The following TSC2 variants were observed in gnomAD, a reference collection of about 807,000 sequenced individuals.
TSC2 encodes the protein tuberin.
In TSC2, 29 loss-of-function variants were observed where a neutral mutation model predicts 202.2. The ratio of observed to expected loss-of-function variants is 0.14; its 90% CI spans 0.11 to 0.20. TSC2 has a LOEUF of 0.20. TSC2 is among the 10% of genes least tolerant of loss of function. TSC2 has a pLI of 1.00. For missense variants in TSC2, 2,429 were observed against 2,420.0 expected, an observed-to-expected ratio of 1.00 and a Z score of -0.08; for synonymous variants, 1,349 against 1,044.0, an observed-to-expected ratio of 1.29 and a Z score of -5.63.
chr16:2,051,559 T>C (rs1312973844), intron 3 of TSC2, among the ~76,000 whole-genome samples: 1 of 152,192 alleles, frequency 6.6e-6, no homozygotes, highest in East Asian at 1.9e-4. Context: ...TGATGACTTG[T>C]GGACAGGACA....
In TSC2 at chr16:2,067,510, C is replaced by G. The variant is rs141735415; in HGVS notation, c.1716+1875C>G. Among the ~76,000 whole-genome samples, 693 of 151,366 alleles carry G rather than the reference C, an allele frequency of 4.6e-3. 9 individuals carry two copies. Among genetic ancestry groups the G allele is most frequent in the African/African-American group, 0.016 (654 of 41,234 alleles). Reference sequence around the variant, plus strand: ...CATCAGCCGGGTGTGGTGGCTCATGCCCGTAATCCCAGCACTTTGGGAGGC... The same window carrying G: ...CATCAGCCGGGTGTGGTGGCTCATGGCCGTAATCCCAGCACTTTGGGAGGC... On this transcript the variant is annotated intron_variant, in intron 16 of 41. Transcript: ENST00000219476.
Position 2,071,579 on chromosome 16 carries a change from G to C in TSC2, c.1909G>C (p.Val637Leu), listed in dbSNP as rs2088399918. The C allele has an allele frequency of 6.2e-7, 1 of 1,613,532 alleles. No individual in the cohort carries two copies. The highest frequency in any genetic ancestry group is 8.5e-7 in the Non-Finnish European group (1 of 1,180,040). Reference protein sequence around the residue: ...HRLGLPNKDGVVRFSPYCVCD... With the variant: ...HRLGLPNKDGLVRFSPYCVCD... ...CCTGGGCCTGCCCAACAAGGATGGAGTCGTGCGGTTCAGCCCCTACTGCGT... is the reference window on the plus strand; with the variant it reads ...CCTGGGCCTGCCCAACAAGGATGGACTCGTGCGGTTCAGCCCCTACTGCGT... The change falls in exon 18 of 42, where the codon GTC becomes CTC. Residue 637 changes from valine to leucine, a missense_variant. Transcript: ENST00000219476.
chr16:2,075,454 G>C (rs1452724381), intron 22 of TSC2, among the ~76,000 whole-genome samples: 2 of 150,654 alleles, frequency 1.3e-5, no homozygotes, highest in East Asian at 1.9e-4. Context: ...GTGAACCCAG[G>C]GGGTGGAGCT....
chr16:2,053,569 G>A (rs1222453948), intron 4 of TSC2, 117 bp downstream of exon 4: 1 of 1,040,590 alleles, frequency 9.6e-7, no homozygotes, highest in South Asian at 1.4e-5. Flanking sequence ...AGGGTCTAGG[G>A]GCTGATGGGC....
intron 5 of TSC2, 73 bp downstream of exon 5, chr16:2,054,513 G>A (rs1270221987): frequency 3.1e-6 from 5 of 1,604,354 alleles, no homozygotes; most frequent in African/African-American, 1.3e-5. Context: ...AAGGACCTGG[G>A]GCTGGGGAGG....
intron 23 of TSC2, 35 bp downstream of exon 23, chr16:2,075,927 C>T (rs371719593): frequency 5.6e-6 from 9 of 1,612,714 alleles, no homozygotes; most frequent in Middle Eastern, 1.6e-4. Flanking sequence ...GCCTCCCAGC[C>T]GTGGCCCCCG....
At chr16:2,056,152 C>T (rs1456238009) in intron 6 of TSC2, 44 bp from the exon 7 acceptor site, 4 of 1,611,832 alleles carry the variant, frequency 2.5e-6, no homozygotes, top group Non-Finnish European at 8.5e-7. Flanking sequence ...GTGGCTCGGC[C>T]ATCCAGGCAG....
In TSC2 at chr16:2,061,272, C is replaced by T. The variant is rs539276410; in HGVS notation, c.1119+459C>T. 23 of 297,490 alleles carry T rather than the reference C, an allele frequency of 7.7e-5. No individual in the cohort carries two copies. In the East Asian group the frequency reaches 1.9e-3, roughly 25 times the overall value. The allele number at this position is 297,490 out of a possible 1,614,324, so 18.4% of individuals were successfully genotyped here. On this transcript the variant is annotated intron_variant, in intron 11 of 41. Transcript: ENST00000219476. Reference sequence around the variant, plus strand: ...GGGAGGCGAGGCTAGTATCCAGCAGCCTCAGGGCTGTGCCTTTTCCTGGAG... The same window carrying T: ...GGGAGGCGAGGCTAGTATCCAGCAGTCTCAGGGCTGTGCCTTTTCCTGGAG...
Position 2,079,250 on chromosome 16 carries a change from TG to T in TSC2, c.3132-23del. On this transcript the variant is annotated intron_variant, in intron 27 of 41. Coordinates refer to ENST00000219476, the MANE Select transcript of TSC2 (RefSeq NM_000548.5). This position sits in a 1 kb window ranked among gnomAD's most constrained non-coding sequence, Gnocchi z 4.6. ...GCCTGCGGGAGCTCCACGGGCAAGC[TG>T]GGTTTCACGCTCCCTGTCTTCTAGG... is the stretch of plus-strand genomic sequence containing the variant. The T allele has an allele frequency of 6.2e-7, 1 of 1,612,890 alleles. No individual in the cohort carries two copies. Among genetic ancestry groups the T allele is most frequent in the Non-Finnish European group, 8.5e-7 (1 of 1,180,000 alleles).
In TSC2 at chr16:2,072,929, T is replaced by A. The variant is rs531724951; in HGVS notation, c.2301T>A (p.Val767=). 10 of 1,613,650 alleles carry A rather than the reference T, an allele frequency of 6.2e-6. No homozygotes were observed. The South Asian group carries it at 1.1e-4, about 18-fold the overall frequency. ...GAACTGACTTGCACCTGGCCGTGGT[T>A]CCAGTGCTGACAGCATTAATCTCTT... ...FSRTDLHLAV[V]PVLTALISYH... is the part of the protein sequence containing the mutation. Residue 767 remains valine (V), a synonymous_variant, in exon 21 of 42, where the codon GTT becomes GTA. Coordinates refer to ENST00000219476, the MANE Select transcript of TSC2 (RefSeq NM_000548.5).
rs1201047547 is a variant in TSC2 at position 2,050,477 on chromosome 16, A to C, written c.216A>C (p.Lys72Asn). Residue 72 changes from lysine to asparagine, a missense_variant, in exon 3 of 42, where the codon AAA becomes AAC. Coordinates refer to ENST00000219476, the MANE Select transcript of TSC2 (RefSeq NM_000548.5). ...TTTGTGAAGTCGCAAAAACCAAGAA[A>C]TTTGAAGAGGTAGGTTTATCCAGTT... is the stretch of plus-strand genomic sequence containing the variant. Reference protein sequence around the residue: ...GQICEVAKTKKFEEHAVEALW... With the variant: ...GQICEVAKTKNFEEHAVEALW... The C allele has an allele frequency of 1.2e-6, 2 of 1,613,732 alleles. No individual in the cohort carries two copies. The highest frequency in any genetic ancestry group is 2.7e-5 in the African/African-American group (2 of 74,880).
intron 35 of TSC2, 55 bp downstream of exon 35, chr16:2,085,081 G>A: frequency 6.2e-7 from 1 of 1,609,190 alleles, no homozygotes; most frequent in Non-Finnish European, 8.5e-7. Flanking sequence ...TCGGGTGAAT[G>A]GTGGGGGGCC....
At chr16:2,070,879 A>G (rs1221438326) in intron 17 of TSC2, among the ~76,000 whole-genome samples, 1 of 152,192 alleles carries the variant, frequency 6.6e-6, no homozygotes. Flanking sequence ...GTGCTGCAGA[A>G]TCTGTGAAGG....
At chr16:2,049,014 A>G (rs1233973098) in intron 2 of TSC2, among the ~76,000 whole-genome samples, 1 of 152,246 alleles carries the variant, frequency 6.6e-6, no homozygotes, top group African/African-American at 2.4e-5. Context: ...CCTGAGTATC[A>G]TCATCTTCAC....
chr16:2,082,992 G>A (rs1175409238), intron 32 of TSC2: 1 of 404,066 alleles, frequency 2.5e-6, no homozygotes. Flanking sequence ...CTGGTGGGGA[G>A]TGCTGTGACC....
chr16:2,055,041 TCTC>T (rs2085596044), intron 5 of TSC2: 4 of 390,990 alleles, frequency 1.0e-5, no homozygotes, highest in South Asian at 8.8e-5. Flanking sequence ...TGTGCACACG[TCTC>T]CTCCGAGCCA....
chr16:2,088,161 C>A (rs748655720), intron 40 of TSC2, 22 bp downstream of exon 40: 3 of 1,612,998 alleles, frequency 1.9e-6, no homozygotes, highest in Non-Finnish European at 2.5e-6. Flanking sequence ...TGGGTCCAGG[C>A]GTGAGCTGGT....
chr16:2,048,289 C>A lies in TSC2; in HGVS notation c.-30+224C>A, dbSNP rs1471045592. ...CTTCACATGGGTAGAGGAGAGACGGCAAACGTCGGGGCTCCCAGGACTTCG... is the reference window on the plus strand; with the variant it reads ...CTTCACATGGGTAGAGGAGAGACGGAAAACGTCGGGGCTCCCAGGACTTCG... On this transcript the variant is annotated intron_variant, in intron 1 of 41. Coordinates refer to ENST00000219476, the MANE Select transcript of TSC2 (RefSeq NM_000548.5). 1.8e-5 allele frequency: 20 copies of A among 1,141,470 alleles called. No individual in the cohort carries two copies. The Admixed American group carries it at 2.4e-4, about 14-fold the overall frequency. 70.7% of individuals were successfully genotyped at this position (1,141,470 alleles called of 1,614,324 possible).
Position 2,058,882 on chromosome 16 carries a change from GT to G in TSC2, c.975+12del. The G allele has an allele frequency of 6.2e-7, 1 of 1,606,054 alleles. No individual in the cohort carries two copies. Among genetic ancestry groups the G allele is most frequent in the South Asian group, 1.1e-5 (1 of 89,294 alleles). ...TGCCATCATTTTACCAGGTAAGGCG[GT>G]TTCTGTGTGCAGTGAGCTGGCAGGA... On this transcript the variant is annotated intron_variant, in intron 10 of 41. Coordinates refer to ENST00000219476, the MANE Select transcript of TSC2 (RefSeq NM_000548.5).
Sources: gnomAD v4.1 joint callset for allele counts (sites outside exome capture counted in the v4.1 genomes callset) on GRCh38, gnomAD v4.1.1 for gene constraint, Gnocchi (gnomAD v3.1) non-coding constraint, MANE v1.5 for transcripts, NCBI Gene and HGNC (gene_info 2026-07-23, HGNC 2026-07-21) for gene names.